NIPBL: variants seen among roughly 807,000 people sequenced by gnomAD.
NIPBL encodes nipped-B-like protein.
NIPBL carries 19 observed loss-of-function variants against 321.8 expected under a neutral mutation model. The observed-to-expected ratio is 0.06, with a 90% CI of 0.04 to 0.09. NIPBL has a LOEUF of 0.09. NIPBL is among the 10% of genes least tolerant of loss of function. NIPBL has a pLI of 1.00. For missense variants in NIPBL, 2,210 were observed against 3,327.0 expected, an observed-to-expected ratio of 0.66 and a Z score of 8.26; for synonymous variants, 1,106 against 1,114.1, an observed-to-expected ratio of 0.99 and a Z score of 0.14.
At chr5:36,881,584 C>G (rs1389121099) in intron 1 of NIPBL, among the ~76,000 whole-genome samples, 1 of 151,908 alleles carries the variant, frequency 6.6e-6, no homozygotes, top group African/African-American at 2.4e-5. Context: ...GAAAACTGCC[C>G]ATGGTCCTAC....
intron 40 of NIPBL, chr5:37,051,564 C>T (rs1753547551): frequency 1.8e-6 from 1 of 567,842 alleles, no homozygotes; most frequent in African/African-American, 1.9e-5. Flanking sequence ...TAAATTTTAT[C>T]ACGTCAGTAT....
intron 36 of NIPBL, 104 bp from the exon 37 acceptor site, chr5:37,045,335 CAGTG>C (rs1229105078): frequency 2.5e-6 from 2 of 791,458 alleles, no homozygotes; most frequent in African/African-American, 3.5e-5. Context: ...GCCTGGGTGA[CAGTG>C]AGACTCCATC....
chr5:37,021,334 T>C (rs555390334), intron 27 of NIPBL, among the ~76,000 whole-genome samples: 1 of 151,730 alleles, frequency 6.6e-6, no homozygotes, highest in Non-Finnish European at 1.5e-5. Flanking sequence ...CTACATCCCT[T>C]TTACATATTC....
intron 1 of NIPBL, among the ~76,000 whole-genome samples, chr5:36,932,803 T>A (rs902692862): frequency 3.5e-4 from 48 of 138,646 alleles, no homozygotes; most frequent in South Asian, 2.2e-3. Context: ...TTTTTTTTTT[T>A]AAAGAACAGG....
At chr5:36,895,132 G>A (rs1006045125) in intron 1 of NIPBL, among the ~76,000 whole-genome samples, 9 of 152,056 alleles carry the variant, frequency 5.9e-5, no homozygotes, top group African/African-American at 1.9e-4. Context: ...AAAAAACCAC[G>A]TTTCCATTAG....
chr5:36,927,135 G>A (rs1247980720), intron 1 of NIPBL, among the ~76,000 whole-genome samples: 1 of 152,078 alleles, frequency 6.6e-6, no homozygotes, highest in Non-Finnish European at 1.5e-5. Flanking sequence ...ATCACGACTT[G>A]AGTTCAAGAG....
intron 6 of NIPBL, among the ~76,000 whole-genome samples, chr5:36,965,889 G>A (rs531053700): frequency 5.3e-5 from 8 of 152,076 alleles, no homozygotes; most frequent in Non-Finnish European, 1.2e-4. Flanking sequence ...GAATGCAGAC[G>A]TGAGACAGTT....
At chr5:37,035,948 C>A (rs972397755) in intron 32 of NIPBL, among the ~76,000 whole-genome samples, 1 of 152,116 alleles carries the variant, frequency 6.6e-6, no homozygotes, top group Non-Finnish European at 1.5e-5. Flanking sequence ...GAAAAGAAAT[C>A]TACCGTTATG....
chr5:36,951,346 C>T (rs918659906), intron 1 of NIPBL, among the ~76,000 whole-genome samples: 12 of 152,186 alleles, frequency 7.9e-5, no homozygotes, highest in Admixed American at 6.5e-4. Flanking sequence ...ATATTACTCT[C>T]TTTAGGTTCC....
intron 10 of NIPBL, among the ~76,000 whole-genome samples, chr5:36,990,564 G>A (rs1745385074): frequency 6.6e-6 from 1 of 152,058 alleles, no homozygotes; most frequent in Admixed American, 6.5e-5. Context: ...CAAATTTTCA[G>A]TTTCTGTAAA....
intron 6 of NIPBL, among the ~76,000 whole-genome samples, chr5:36,963,970 CAT>C (rs1224491565): frequency 6.6e-6 from 1 of 152,120 alleles, no homozygotes; most frequent in Non-Finnish European, 1.5e-5. Flanking sequence ...TCCATATACA[CAT>C]GAATGTGTGT....
chr5:37,003,347 T>C lies in NIPBL; in HGVS notation c.3855T>C (p.His1285=). 1.3e-6 allele frequency: 2 copies of C among 1,568,516 alleles called. No homozygotes were observed. The highest frequency in any genetic ancestry group is 1.8e-6 in the Non-Finnish European group (2 of 1,139,384). The change falls in exon 16 of 47, where the codon CAT becomes CAC. Residue 1285 remains histidine (H), a splice_region_variant and synonymous_variant. Coordinates refer to ENST00000282516, the MANE Select transcript of NIPBL (RefSeq NM_133433.4). The part of the protein sequence containing the change: ...DGSKLSTLLN[H]NNDTEEEERL... ...CAAAGCTTTCCACTTTGTTAAATCA[T>C]GTAAGTTTAAGATCCATACTGTTAA...
chr5:37,066,253 T>A lies in NIPBL; in HGVS notation c.*1361T>A, dbSNP rs1755332534. On this transcript the variant is annotated 3_prime_UTR_variant, in exon 47 of 47. Transcript: ENST00000282516. ...GGTCTGTTTCAAGTTTAATTCTTTT[T>A]AAAAATGTTTTACTTATTTTTAAAT... 1 of 152,184 alleles carries A rather than the reference T, an allele frequency of 6.6e-6. No individual in the cohort carries two copies. Among genetic ancestry groups the A allele is most frequent in the African/African-American group, 2.4e-5 (1 of 41,452 alleles). The allele number at this position is 152,184 out of a possible 1,614,324, so 9.4% of individuals were successfully genotyped here.
chr5:37,045,842 C>A (rs954131071), intron 37 of NIPBL, among the ~76,000 whole-genome samples: 2 of 152,158 alleles, frequency 1.3e-5, no homozygotes, highest in Non-Finnish European at 2.9e-5. Context: ...GTAACAGTAG[C>A]ACACTGTTGA....
chr5:36,930,983 A>G (rs1012440160), intron 1 of NIPBL, among the ~76,000 whole-genome samples: 3 of 152,130 alleles, frequency 2.0e-5, no homozygotes, highest in African/African-American at 7.2e-5. Flanking sequence ...CATGAGGGAT[A>G]TTGGTCTGTA....
chr5:37,049,459 A>G (rs1753299252), intron 40 of NIPBL, among the ~76,000 whole-genome samples, 158 bp downstream of exon 40: 1 of 152,222 alleles, frequency 6.6e-6, no homozygotes, highest in Non-Finnish European at 1.5e-5. Flanking sequence ...CTCTTGGGTT[A>G]TGATTACTGC....
intron 22 of NIPBL, among the ~76,000 whole-genome samples, chr5:37,015,627 G>A (rs1748871238): frequency 1.3e-5 from 2 of 152,122 alleles, no homozygotes; most frequent in Admixed American, 1.3e-4. Context: ...CTACTTGAGA[G>A]GCTGAGGCAG....
intron 1 of NIPBL, among the ~76,000 whole-genome samples, chr5:36,940,016 A>G (rs1738887741): frequency 6.6e-6 from 1 of 152,194 alleles, no homozygotes; most frequent in Non-Finnish European, 1.5e-5. Flanking sequence ...GCATGAACAC[A>G]GTTTTCATTT....
chr5:37,047,304 G>A (rs761725184), intron 38 of NIPBL, among the ~76,000 whole-genome samples: 1 of 152,084 alleles, frequency 6.6e-6, no homozygotes, highest in Non-Finnish European at 1.5e-5. Context: ...TATGATTAAG[G>A]TTTATACTTT....
Sources: allele counts gnomAD v4.1 joint callset (sites outside exome capture counted in the v4.1 genomes callset), GRCh38; gene constraint gnomAD v4.1.1; transcripts MANE v1.5; gene names NCBI Gene and HGNC (gene_info 2026-07-23, HGNC 2026-07-21).